Variants in MYOCD observed in about 807,000 individuals in gnomAD.
MYOCD encodes myocardin.
A neutral mutation model predicts 96.1 loss-of-function variants in MYOCD; 32 were observed. That is an observed-to-expected ratio of 0.33 (90% CI 0.25 to 0.45). MYOCD has a LOEUF of 0.45. Among genes scored for constraint, MYOCD ranks in the 20% least tolerant of loss-of-function variants. MYOCD has a pLI of 1.00. For synonymous variants in MYOCD, 469 were observed against 469.0 expected (o/e 1.00, Z 0.00); for missense variants, 1,133 against 1,200.6 (o/e 0.94, Z 0.83).
At chr17:12,727,770 A>G (rs2032042370) in intron 5 of MYOCD, among the ~76,000 whole-genome samples, 1 of 152,068 alleles carries the variant, frequency 6.6e-6, no homozygotes, top group Non-Finnish European at 1.5e-5. Context: ...GACTGTCCCT[A>G]CCCTGGGATT....
At chr17:12,722,280 C>T (rs530909678) in intron 4 of MYOCD, among the ~76,000 whole-genome samples, 85 of 152,314 alleles carry the variant, frequency 5.6e-4, no homozygotes, top group African/African-American at 2.0e-3. Flanking sequence ...TCACACCCTC[C>T]AAATGATGAG....
intron 3 of MYOCD, among the ~76,000 whole-genome samples, chr17:12,716,474 C>G (rs2031643439): frequency 1.3e-5 from 2 of 152,326 alleles, no homozygotes; most frequent in Non-Finnish European, 2.9e-5. Flanking sequence ...CTACCGACAG[C>G]CCCATCAAGA....
In MYOCD at chr17:12,752,414, G is replaced by A; in HGVS notation, c.1126G>A (p.Val376Ile). The change falls in exon 10 of 14, where the codon GTC (valine) becomes ATC (isoleucine). Residue 376 changes from valine (V) to isoleucine (I), a missense_variant and splice_region_variant. By Grantham distance (29) the Val-to-Ile change is conservative. Transcript: ENST00000425538. ...PLPPNLDDLK[V>I]SELRQQLRIR... Reference sequence around the variant, plus strand: ...ACTAACCACATTCTGATTTCTTTAGGTCTCTGAATTAAGACAACAGCTTCG... The same window carrying A: ...ACTAACCACATTCTGATTTCTTTAGATCTCTGAATTAAGACAACAGCTTCG... 1 of 1,604,152 alleles carries A rather than the reference G, an allele frequency of 6.2e-7. No individual in the cohort carries two copies. Among genetic ancestry groups the A allele is most frequent in the Non-Finnish European group, 8.5e-7 (1 of 1,174,924 alleles).
At chr17:12,725,503 G>A (rs1009746729) in intron 5 of MYOCD, among the ~76,000 whole-genome samples, 6 of 147,954 alleles carry the variant, frequency 4.1e-5, no homozygotes, top group Non-Finnish European at 7.4e-5. Flanking sequence ...TCATATAGAT[G>A]TTTATCTTAT....
At chr17:12,709,352 T>C (rs2031407523) in intron 2 of MYOCD, among the ~76,000 whole-genome samples, 1 of 152,224 alleles carries the variant, frequency 6.6e-6, no homozygotes, top group South Asian at 2.1e-4. Context: ...CACTTTGTTC[T>C]TATGTGTGGG....
At chr17:12,694,510 T>A (rs1238447902) in intron 1 of MYOCD, among the ~76,000 whole-genome samples, 2 of 152,100 alleles carry the variant, frequency 1.3e-5, no homozygotes, top group African/African-American at 4.8e-5. Context: ...AGGACTTAGC[T>A]CTCTGCCCAC....
chr17:12,745,817 A>G (rs901530802), intron 8 of MYOCD, 102 bp from the exon 9 acceptor site: 15 of 1,230,876 alleles, frequency 1.2e-5, no homozygotes, highest in Non-Finnish European at 1.6e-5. Context: ...GGTTTATTAC[A>G]TGCCTGACCC....
At chr17:12,740,585 G>A (rs933503358) in intron 7 of MYOCD, among the ~76,000 whole-genome samples, 3 of 152,022 alleles carry the variant, frequency 2.0e-5, no homozygotes, top group South Asian at 2.1e-4. Context: ...TGGGCACTTC[G>A]GTTGGGTCCA....
At chr17:12,726,290 T>C (rs2031997951) in intron 5 of MYOCD, among the ~76,000 whole-genome samples, 1 of 152,154 alleles carries the variant, frequency 6.6e-6, no homozygotes, top group South Asian at 2.1e-4. Flanking sequence ...AACTCTGATG[T>C]TGTAGCAGGA....
intron 2 of MYOCD, among the ~76,000 whole-genome samples, chr17:12,708,868 C>T (rs1250590542): frequency 7.2e-5 from 11 of 152,214 alleles, no homozygotes; most frequent in African/African-American, 1.4e-4. Context: ...TTTTTTCAAA[C>T]GTTCAAAATG....
chr17:12,695,227 G>C (rs191767722), intron 1 of MYOCD, among the ~76,000 whole-genome samples: 130 of 152,254 alleles, frequency 8.5e-4, no homozygotes, highest in African/African-American at 3.0e-3. Flanking sequence ...AGGCAGGCTT[G>C]GTGTCTGATG....
chr17:12,763,041 A>G (rs1274301855), intron 13 of MYOCD, 32 bp from the exon 14 acceptor site: 11 of 1,556,672 alleles, frequency 7.1e-6, no homozygotes, highest in Non-Finnish European at 8.7e-6. Context: ...ATTTGAAGTG[A>G]TTTAACAAGT....
chr17:12,726,124 A>G (rs2031992210), intron 5 of MYOCD, among the ~76,000 whole-genome samples: 1 of 152,150 alleles, frequency 6.6e-6, no homozygotes, highest in African/African-American at 2.4e-5. Flanking sequence ...GCTTAACAAG[A>G]AAGGTGTATT....
At chr17:12,672,880 G>A (rs1051616071) in intron 1 of MYOCD, among the ~76,000 whole-genome samples, 2 of 152,178 alleles carry the variant, frequency 1.3e-5, no homozygotes, top group Non-Finnish European at 2.9e-5. Flanking sequence ...TACTTAGTAT[G>A]TCTTTATCAG....
intron 1 of MYOCD, among the ~76,000 whole-genome samples, chr17:12,690,172 GA>G (rs200832634): frequency 1.3e-5 from 2 of 150,258 alleles, no homozygotes; most frequent in Non-Finnish European, 1.5e-5. Flanking sequence ...AGTCTATAAG[GA>G]AAAAAAAATC....
intron 3 of MYOCD, 74 bp downstream of exon 3, chr17:12,715,648 T>C: frequency 8.3e-7 from 1 of 1,197,964 alleles, no homozygotes; most frequent in Non-Finnish European, 1.2e-6. Context: ...CCTTGGTGGA[T>C]GCGTGTAGAA....
chr17:12,723,051 A>G (rs1053475185), intron 5 of MYOCD, 43 bp downstream of exon 5: 1 of 1,570,216 alleles, frequency 6.4e-7, no homozygotes, highest in East Asian at 2.3e-5. Flanking sequence ...TGCTATTGAG[A>G]TCTGAGGGCA....
chr17:12,768,329 G>A lies in MYOCD; in HGVS notation c.*4685G>A, dbSNP rs959111394. On this transcript the variant is annotated 3_prime_UTR_variant, in exon 14 of 14. Transcript: ENST00000425538. ...ACGATTTCAAGACAGGATGAGATCT[G>A]GGAAGAATTTTGTTGTCATCTGCCA... The A allele has an allele frequency of 6.6e-6, 1 of 152,142 alleles. No individual in the cohort carries two copies. The highest frequency in any genetic ancestry group is 1.5e-5 in the Non-Finnish European group (1 of 68,032). The allele number at this position is 152,142 out of a possible 1,614,324, so 9.4% of individuals were successfully genotyped here. A position where few individuals can be genotyped will look rare whatever the true frequency, so the allele number is the denominator to read the frequency against.
At chr17:12,749,460 C>T (rs993730231) in intron 9 of MYOCD, among the ~76,000 whole-genome samples, 7 of 151,402 alleles carry the variant, frequency 4.6e-5, no homozygotes, top group Admixed American at 1.3e-4. Context: ...ACCCAGGAGA[C>T]GGAGGTTGCA....
Sources: allele counts gnomAD v4.1 joint callset (sites outside exome capture counted in the v4.1 genomes callset), GRCh38; gene constraint gnomAD v4.1.1; transcripts MANE v1.5; gene names NCBI Gene and HGNC (gene_info 2026-07-23, HGNC 2026-07-21).